The following PARVB variants were observed in gnomAD, a reference collection of about 807,000 sequenced individuals.
The protein encoded by PARVB is parvin beta.
A neutral mutation model predicts 47.0 loss-of-function variants in PARVB; 46 were observed. That is an observed-to-expected ratio of 0.98 (90% confidence interval 0.77 to 1.25). The LOEUF is 1.25. Among genes scored for constraint, PARVB ranks in the 50% most tolerant of loss-of-function variants. The probability of loss-of-function intolerance (pLI) is 0.00; values close to 1 mark genes in which losing one functional copy is unlikely to be tolerated. For missense variants in PARVB, 473 were observed against 471.6 expected (o/e 1.00, Z -0.03); for synonymous variants, 196 against 196.3 (o/e 1.00, Z 0.01).
Position 44,125,460 on chromosome 22 carries a change from G to T in PARVB, c.377-6027G>T, listed in dbSNP as rs1032168767. ...GGAGGAAAGTAATAGAAGGTTATGG[G>T]GTACAGTGGTGGGTGGGGGTTGGGG... On this transcript the variant is annotated intron_variant, in intron 4 of 12. Coordinates refer to ENST00000338758, the MANE Select transcript of PARVB (RefSeq NM_013327.5). This position sits in a 1 kb window ranked among gnomAD's most constrained non-coding sequence, Gnocchi z 4.1. Among the ~76,000 whole-genome samples the T allele has an allele frequency of 6.6e-6, 1 of 152,212 alleles. No individual in the cohort carries two copies. The highest frequency in any genetic ancestry group is 1.9e-4 in the East Asian group (1 of 5,200).
At chr22:44,013,502 G>A (rs111636156) in intron 2 of PARVB, among the ~76,000 whole-genome samples, 1 of 152,194 alleles carries the variant, frequency 6.6e-6, no homozygotes, top group Admixed American at 6.5e-5. Flanking sequence ...TCACCACGCC[G>A]GCGAAGCCAC....
At chr22:44,044,578 C>T (rs754822140) in intron 1 of PARVB, among the ~76,000 whole-genome samples, 1 of 152,008 alleles carries the variant, frequency 6.6e-6, no homozygotes, top group Non-Finnish European at 1.5e-5. Flanking sequence ...CTCTGCCTCC[C>T]GGGTTCAAGT....
chr22:44,094,395 CCACACCATAG>C (rs1258582793), intron 2 of PARVB, among the ~76,000 whole-genome samples: 26 of 152,212 alleles, frequency 1.7e-4, no homozygotes, highest in African/African-American at 2.9e-4. Context: ...CCAAGCCACG[CCACACCATAG>C]CACACCATGC....
intron 1 of PARVB, among the ~76,000 whole-genome samples, chr22:44,027,914 CATATATATATATATAT>C (rs3083338): frequency 7.5e-6 from 1 of 133,252 alleles, no homozygotes; most frequent in Non-Finnish European, 1.6e-5. Context: ...AAAAAAAAAC[CATATATATATATATAT>C]ATATATATAT....
intron 1 of PARVB, among the ~76,000 whole-genome samples, chr22:44,032,931 A>G (rs1375519366): frequency 6.6e-6 from 1 of 152,204 alleles, no homozygotes; most frequent in Non-Finnish European, 1.5e-5. Flanking sequence ...GTGCTGTGTC[A>G]TTTCAGCAGC....
At chr22:44,093,251 G>A (rs1253076975) in intron 1 of PARVB, among the ~76,000 whole-genome samples, 1 of 152,200 alleles carries the variant, frequency 6.6e-6, no homozygotes, top group Non-Finnish European at 1.5e-5. Context: ...AGGGAGATGA[G>A]GGGTCATTTC....
At chr22:44,021,759 TCACACACACACACACACA>T (rs3223605), upstream of PARVB, among the ~76,000 whole-genome samples, 507 of 102,778 alleles carry the variant, frequency 4.9e-3, 3 homozygotes, top group African/African-American at 0.013. Context: ...AAGTCTAGAC[TCACACACACACACACACA>T]CACACACACA....
intron 4 of PARVB, among the ~76,000 whole-genome samples, chr22:44,122,432 G>A (rs2053067229): frequency 6.6e-6 from 1 of 150,942 alleles, no homozygotes; most frequent in South Asian, 2.1e-4. Flanking sequence ...GCTGCAGTGA[G>A]CCATGATTGT....
chr22:44,080,830 G>T (rs188943853), intron 1 of PARVB, among the ~76,000 whole-genome samples: 1 of 152,226 alleles, frequency 6.6e-6, no homozygotes, highest in Non-Finnish European at 1.5e-5. Flanking sequence ...CTCAGTCCAG[G>T]CGTCATGTTG....
intron 1 of PARVB, among the ~76,000 whole-genome samples, chr22:44,032,842 C>G (rs2050849311): frequency 6.6e-6 from 1 of 152,138 alleles, no homozygotes; most frequent in Non-Finnish European, 1.5e-5. Context: ...TGGGACCAGT[C>G]AGCCACACTA....
intron 1 of PARVB, among the ~76,000 whole-genome samples, chr22:44,051,696 T>G (rs1356210143): frequency 6.6e-6 from 1 of 152,100 alleles, no homozygotes; most frequent in Non-Finnish European, 1.5e-5. Context: ...TGAGTGAAGG[T>G]CTCTGTTAGG....
chr22:44,160,802 T>C (rs944683680), intron 11 of PARVB, among the ~76,000 whole-genome samples: 4 of 152,140 alleles, frequency 2.6e-5, no homozygotes, highest in Non-Finnish European at 5.9e-5. Context: ...GGGGCTTTGC[T>C]CTCCCCTTAA....
intron 4 of PARVB, among the ~76,000 whole-genome samples, chr22:44,129,004 G>C (rs12168128): frequency 0.063 from 9,589 of 152,266 alleles, 995 homozygotes; most frequent in African/African-American, 0.22. Flanking sequence ...CTTGAACCTG[G>C]GAGGCAGAGG....
intron 1 of PARVB, among the ~76,000 whole-genome samples, chr22:44,062,638 GAAA>G (rs751974344): frequency 7.1e-6 from 1 of 140,344 alleles, no homozygotes; most frequent in African/African-American, 2.6e-5. Context: ...ACCCTGTCTG[GAAA>G]AAAAAAAAAA....
At chr22:44,024,279 C>A, upstream of PARVB, 2 of 944,136 alleles carry the variant, frequency 2.1e-6, no homozygotes, top group Non-Finnish European at 2.5e-6. Context: ...CTCGGCCTCT[C>A]CCCGGGGCGA....
rs370009985 is a variant in PARVB at position 44,170,704 on chromosome 22, G to C, written c.*2026G>C. 1.3e-5 allele frequency: 2 copies of C among 152,248 alleles called. No homozygotes were observed. Among genetic ancestry groups the C allele is most frequent in the East Asian group, 3.9e-4 (2 of 5,164 alleles). The allele number at this position is 152,248 out of a possible 1,614,324, so 9.4% of individuals were successfully genotyped here. A position where few individuals can be genotyped will look rare whatever the true frequency, so the allele number is the denominator to read the frequency against. ...CCCCCCTCCCCCAGCTCCTTCCCAG[G>C]GTGATGACCCGCTGACCCCCTGGGG... On this transcript the variant is annotated 3_prime_UTR_variant, in exon 13 of 13. Coordinates refer to ENST00000338758, the MANE Select transcript of PARVB (RefSeq NM_013327.5).
At chr22:44,088,041 C>T (rs2052073051) in intron 1 of PARVB, among the ~76,000 whole-genome samples, 1 of 152,012 alleles carries the variant, frequency 6.6e-6, no homozygotes, top group Non-Finnish European at 1.5e-5. Flanking sequence ...GTGTTAGGCC[C>T]CACTTTACAG....
chr22:44,021,964 A>G (rs2050655514), upstream of PARVB, among the ~76,000 whole-genome samples: 1 of 152,108 alleles, frequency 6.6e-6, no homozygotes, highest in Non-Finnish European at 1.5e-5. Context: ...AACCTAGCCT[A>G]CACCTTGATT....
At chr22:44,168,172 C>G (rs1390741229) in intron 12 of PARVB, 1 of 169,354 alleles carries the variant, frequency 5.9e-6, no homozygotes, top group Non-Finnish European at 1.3e-5. Context: ...GTGTCTGATT[C>G]CCAGGAAGGT....
Sources: allele counts gnomAD v4.1 joint callset (sites outside exome capture counted in the v4.1 genomes callset), GRCh38; gene constraint gnomAD v4.1.1; non-coding constraint Gnocchi (gnomAD v3.1); transcripts MANE v1.5; gene names NCBI Gene and HGNC (gene_info 2026-07-23, HGNC 2026-07-21).